The following MAOA variants were observed in gnomAD, a reference collection of about 807,000 sequenced individuals.
MAOA encodes monoamine oxidase A, also known as amine oxidase [flavin-containing] A.
A neutral mutation model predicts 42.0 loss-of-function variants in MAOA; 6 were observed. The observed-to-expected ratio is 0.14, with a 90% CI of 0.08 to 0.28. The LOEUF is 0.28. Among genes scored for constraint, MAOA ranks in the 10% least tolerant of loss-of-function variants. The probability of loss-of-function intolerance (pLI) is 1.00; values close to 1 mark genes in which losing one functional copy is unlikely to be tolerated. For synonymous variants in MAOA, 140 were observed against 154.0 expected (o/e 0.91, Z 0.67); for missense variants, 262 against 422.3 (o/e 0.62, Z 3.33).
At chrX:43,736,568 G>C (rs1024452214) in intron 10 of MAOA, among the ~76,000 whole-genome samples, 2 of 111,726 alleles carry the variant, frequency 1.8e-5, no homozygotes, top group Non-Finnish European at 3.8e-5. Flanking sequence ...GAAAAATGCT[G>C]TAGAAACCGA....
chrX:43,659,801 A>C (rs768653642), intron 1 of MAOA, among the ~76,000 whole-genome samples: 1 of 110,848 alleles, frequency 9.0e-6, no homozygotes, highest in African/African-American at 3.3e-5. Context: ...TTTTTGACAT[A>C]ATCTTTTCTT....
chrX:43,714,578 C>A (rs2033724894), intron 5 of MAOA, among the ~76,000 whole-genome samples: 1 of 109,084 alleles, frequency 9.2e-6, no homozygotes, highest in Non-Finnish European at 1.9e-5. Context: ...GATGGTATTA[C>A]CAGGATATGT....
chrX:43,676,113 G>A lies in MAOA; in HGVS notation c.74-7400G>A, dbSNP rs377301006. 2.5e-4 allele frequency among the ~76,000 whole-genome samples: 28 copies of A among 112,229 alleles called. No individual in the cohort carries two copies. The East Asian group carries it at 2.8e-3, about 11-fold the overall frequency. On this transcript the variant is annotated intron_variant, in intron 1 of 14. Transcript: ENST00000338702. ...GGGCTCCACCCAGTTCAAGCTTCCC[G>A]GCTGCTTTGTTTACCTAAGCAAGCC...
chrX:43,671,680 C>A (rs1365500287), intron 1 of MAOA, among the ~76,000 whole-genome samples: 1 of 102,046 alleles, frequency 9.8e-6, no homozygotes, highest in African/African-American at 3.6e-5. Context: ...GTTTTCCCAG[C>A]ACCATTTATT....
intron 5 of MAOA, among the ~76,000 whole-genome samples, chrX:43,721,490 A>G (rs2033788278): frequency 9.0e-6 from 1 of 110,814 alleles, no homozygotes; most frequent in South Asian, 3.9e-4. Flanking sequence ...AAAAGCCCTC[A>G]TTGGCTATAG....
At chrX:43,659,966 G>T (rs2033219317) in intron 1 of MAOA, among the ~76,000 whole-genome samples, 1 of 110,894 alleles carries the variant, frequency 9.0e-6, no homozygotes, top group Non-Finnish European at 1.9e-5. Context: ...CTGCAATTTT[G>T]TTACATGGAT....
rs759124186 is a variant in MAOA, at chrX:43,693,446, C to A, written c.306+18C>A. 16 of 1,203,330 alleles carry A rather than the reference C, an allele frequency of 1.3e-5. No individual in the cohort carries two copies. The highest frequency in any genetic ancestry group is 2.2e-5 in the Admixed American group (1 of 45,834). ...ATGTCAAGGTAAGGCTGACTTTTCA[C>A]CCAAGTGACTGATAGGGAAGCATTT... On this transcript the variant is annotated intron_variant, in intron 3 of 14. Coordinates refer to ENST00000338702, the MANE Select transcript of MAOA (RefSeq NM_000240.4).
intron 2 of MAOA, among the ~76,000 whole-genome samples, chrX:43,690,025 A>T (rs1256166846): frequency 9.1e-6 from 1 of 110,200 alleles, no homozygotes; most frequent in Non-Finnish European, 1.9e-5. Context: ...TCTGAAAAAG[A>T]ATTGCTTTTA....
chrX:43,655,051 C>G (rs769399010), upstream of MAOA: 1 of 113,247 alleles, frequency 8.8e-6, no homozygotes, highest in South Asian at 3.5e-4. Context: ...CAGCGCCCAG[C>G]GTGCTCCAGA....
intron 9 of MAOA, 53 bp from the exon 10 acceptor site, chrX:43,736,174 C>T: frequency 1.1e-6 from 1 of 910,907 alleles, no homozygotes. Flanking sequence ...GAAAGGGCAG[C>T]TCTTAAAATA....
chrX:43,744,417 C>T lies in MAOA; in HGVS notation c.1488C>T (p.Pro496=). ...ACACCTTCTGGGAAAGGAACCTGCC[C>T]TCTGTTTCTGGCCTGCTGAAGATCA... The part of the protein sequence containing the change: ...ITHTFWERNL[P]SVSGLLKIIG... Residue 496 remains proline, a synonymous_variant, in exon 15 of 15, where the codon CCC becomes CCT. Transcript: ENST00000338702. 1 of 1,209,995 alleles carries T rather than the reference C, an allele frequency of 8.3e-7. No homozygotes were observed. Among genetic ancestry groups the T allele is most frequent in the Non-Finnish European group, 1.1e-6 (1 of 894,300 alleles).
At chrX:43,684,874 CTTTTTT>C (rs201207592) in intron 2 of MAOA, among the ~76,000 whole-genome samples, 14 of 59,607 alleles carry the variant, frequency 2.3e-4, no homozygotes, top group Non-Finnish European at 2.6e-4. Flanking sequence ...CTTTTCTTTT[CTTTTTT>C]TTTTTTTTTT....
chrX:43,728,939 G>A (rs1369116654), intron 6 of MAOA, among the ~76,000 whole-genome samples: 2 of 113,219 alleles, frequency 1.8e-5, no homozygotes, highest in Non-Finnish European at 3.7e-5. Context: ...CCCAGACTCT[G>A]AGATTCTCTG....
chrX:43,665,810 TTAGATAGATAGA>T (rs35784967), intron 1 of MAOA, among the ~76,000 whole-genome samples: 24 of 98,379 alleles, frequency 2.4e-4, no homozygotes, highest in South Asian at 5.1e-4. Flanking sequence ...TAGGTATAGA[TTAGATAGATAGA>T]TAGATAGATA....
At chrX:43,743,751 A>C (rs754181224) in intron 12 of MAOA, 43 bp from the exon 13 acceptor site, 43 of 1,155,311 alleles carry the variant, frequency 3.7e-5, no homozygotes, top group Non-Finnish European at 4.7e-5. Context: ...TACCCTGCCC[A>C]CCTTCCCAAG....
chrX:43,727,446 G>T (rs1391793938), intron 5 of MAOA, among the ~76,000 whole-genome samples: 1 of 112,232 alleles, frequency 8.9e-6, no homozygotes, highest in African/African-American at 3.2e-5. Context: ...CTTCCTGGTG[G>T]CTTTGTTTAC....
At chrX:43,732,188 G>A (rs1408034158) in intron 8 of MAOA, among the ~76,000 whole-genome samples, 1 of 111,550 alleles carries the variant, frequency 9.0e-6, no homozygotes, top group African/African-American at 3.3e-5. Flanking sequence ...ACACATTCCG[G>A]GACTTCGCTT....
rs757940669 is a variant in MAOA, at chrX:43,683,547, C to T, written c.108C>T (p.Gly36=). 3.3e-6 allele frequency: 4 copies of T among 1,208,573 alleles called. No homozygotes were observed. In the East Asian group the frequency reaches 8.9e-5, roughly 27 times the overall value. Reference sequence around the variant, plus strand: ...CTGCCAAACTCTTGACTGAATATGGCGTTAGTGTTTTGGTTTTAGAAGCTC... The same window carrying T: ...CTGCCAAACTCTTGACTGAATATGGTGTTAGTGTTTTGGTTTTAGAAGCTC... ...LSAAKLLTEY[G]VSVLVLEARD... The change falls in exon 2 of 15, where the codon GGC becomes GGT. Residue 36 remains glycine (G), a synonymous_variant. Transcript: ENST00000338702.
intron 5 of MAOA, among the ~76,000 whole-genome samples, chrX:43,727,677 G>A (rs897153958): frequency 4.4e-5 from 5 of 112,842 alleles, no homozygotes; most frequent in Admixed American, 9.3e-5. Context: ...TGGGAAAAGC[G>A]CAGTATCTGC....
Sources: allele counts gnomAD v4.1 joint callset (sites outside exome capture counted in the v4.1 genomes callset), GRCh38; gene constraint gnomAD v4.1.1; transcripts MANE v1.5; gene names NCBI Gene and HGNC (gene_info 2026-07-23, HGNC 2026-07-21).